Variants in PPP2R1B observed in about 807,000 individuals in gnomAD.
The protein encoded by PPP2R1B is protein phosphatase 2 scaffold subunit Abeta.
Under a neutral mutation model 72.7 loss-of-function variants are expected in PPP2R1B, and 58 were observed. That is an observed-to-expected ratio of 0.80 (90% CI 0.65 to 0.99). The LOEUF (loss-of-function observed/expected upper bound fraction) is 0.99, where lower values mean the gene tolerates loss of function less well. PPP2R1B is among the 50% of genes least tolerant of loss of function. PPP2R1B has a pLI of 0.00. For missense variants in PPP2R1B, 695 were observed against 733.6 expected (o/e 0.95, Z 0.61); for synonymous variants, 256 against 264.6 (o/e 0.97, Z 0.32).
At chr11:111,700,762 A>G in the PPP2R1B span, 1,699 of 1,170,154 alleles carry the variant, frequency 1.5e-3, 36 homozygotes, top group South Asian at 0.025. Context: ...ATAAGATGCC[A>G]TCCCAGTCCT....
downstream of PPP2R1B, chr11:111,724,372 G>A (rs540193400): frequency 4.0e-5 from 22 of 547,068 alleles, no homozygotes; most frequent in South Asian, 2.3e-4. Context: ...CCTGCCCTTC[G>A]GTCGAGTGGA....
At chr11:111,689,651 G>T in the PPP2R1B span, among the ~76,000 whole-genome samples, 1 of 152,190 alleles carries the variant, frequency 6.6e-6, no homozygotes, top group African/African-American at 2.4e-5. Context: ...TAATTGACCT[G>T]TTAGGTTGGA....
downstream of PPP2R1B, chr11:111,726,844 G>A (rs1943983825): frequency 1.3e-5 from 11 of 854,594 alleles, no homozygotes; most frequent in South Asian, 1.6e-4. Context: ...TCATCACCCT[G>A]TAAACCAGGC....
At chr11:111,734,218 C>A (rs1029061297), downstream of PPP2R1B, among the ~76,000 whole-genome samples, 11 of 152,190 alleles carry the variant, frequency 7.2e-5, no homozygotes, top group African/African-American at 2.7e-4. Flanking sequence ...ACACTAGGTA[C>A]AGAAAATGGC....
At chr11:111,725,921 G>T (rs2135986229), downstream of PPP2R1B, 1 of 152,326 alleles carries the variant, frequency 6.6e-6, no homozygotes, top group Middle Eastern at 3.4e-3. Flanking sequence ...TGTGGGGACT[G>T]TCATTTTTGT....
chr11:111,741,079 CCAT>C lies in PPP2R1B; in HGVS notation c.*514_*516del. On this transcript the variant is annotated 3_prime_UTR_variant, in exon 15 of 15. Transcript: ENST00000527614. ...CCCTTTCACATGAGACTAATGCAGA[CCAT>C]CATAATTCAGGAAAATGTGGCTTTC... 3 of 987,460 alleles carry C rather than the reference CCAT, an allele frequency of 3.0e-6. No homozygotes were observed. Among genetic ancestry groups the C allele is most frequent in the Non-Finnish European group, 3.6e-6 (3 of 830,990 alleles). 61.2% of individuals were successfully genotyped at this position (987,460 alleles called of 1,614,324 possible).
Position 111,752,308 on chromosome 11 carries a change from T to C in PPP2R1B, c.1189A>G (p.Ile397Val). Residue 397 changes from isoleucine to valine, a missense_variant, in exon 10 of 15, where the codon ATC (isoleucine) becomes GTC (valine). Physicochemically the swap from Ile to Val is conservative, Grantham distance 29 (BLOSUM62 3). Coordinates refer to ENST00000527614, the MANE Select transcript of PPP2R1B (RefSeq NM_002716.5). Reference protein sequence around the residue: ...DECPDVRLNIISNLDCVNEVI... With the variant: ...DECPDVRLNIVSNLDCVNEVI... ...TCATTTACACAATCCAAATTGGAGATGATATTCAAACGAACGTCAGGACAC... is the reference window on the plus strand; with the variant it reads ...TCATTTACACAATCCAAATTGGAGACGATATTCAAACGAACGTCAGGACAC... The C allele has an allele frequency of 6.2e-7, 1 of 1,612,790 alleles. No individual in the cohort carries two copies. The highest frequency in any genetic ancestry group is 8.5e-7 in the Non-Finnish European group (1 of 1,179,506).
chr11:111,712,348 G>A, the PPP2R1B span: 1 of 1,614,164 alleles, frequency 6.2e-7, no homozygotes. Context: ...CTGCATTCAT[G>A]GAAGAAGAGT....
intron 5 of PPP2R1B, among the ~76,000 whole-genome samples, chr11:111,758,545 G>A (rs1945209800): frequency 6.6e-6 from 1 of 152,030 alleles, no homozygotes; most frequent in African/African-American, 2.4e-5. Context: ...AGCCGAGATT[G>A]CACCACTGCA....
chr11:111,761,114 A>G, intron 3 of PPP2R1B, 63 bp from the exon 4 acceptor site: 4 of 1,369,958 alleles, frequency 2.9e-6, no homozygotes, highest in Non-Finnish European at 4.1e-6. Context: ...GAAACAGATA[A>G]TCACCTTTTA....
downstream of PPP2R1B, chr11:111,723,412 G>C (rs1943864540): frequency 7.2e-7 from 1 of 1,398,312 alleles, no homozygotes; most frequent in African/African-American, 1.4e-5. Context: ...GAAGACTGAA[G>C]CTAGTGACTG....
rs539274288 is a variant in PPP2R1B, at chr11:111,760,334, C to G, written c.540-383G>C. 2.3e-4 allele frequency among the ~76,000 whole-genome samples: 35 copies of G among 152,278 alleles called. 1 individual carries two copies. In the South Asian group the frequency reaches 5.4e-3, roughly 23 times the overall value. ...AGTAGCTAGAAATACAGGCGGGTCC[C>G]ACCATGCCCAGCTAATTTTTTTCTT... On this transcript the variant is annotated intron_variant, in intron 4 of 14. Coordinates refer to ENST00000527614, the MANE Select transcript of PPP2R1B (RefSeq NM_002716.5).
intron 15 of PPP2R1B, chr11:111,727,309 C>T: frequency 1.9e-6 from 1 of 515,570 alleles, no homozygotes; most frequent in South Asian, 3.3e-5. Context: ...CAAACCCCTT[C>T]TCTCTTCCAT....
chr11:111,766,381 C>T lies in PPP2R1B; in HGVS notation c.-20G>A. 1 of 1,597,212 alleles carries T rather than the reference C, an allele frequency of 6.3e-7. No homozygotes were observed. Among genetic ancestry groups the T allele is most frequent in the Non-Finnish European group, 8.5e-7 (1 of 1,173,426 alleles). On this transcript the variant is annotated 5_prime_UTR_variant, in exon 1 of 15. Coordinates refer to ENST00000527614, the MANE Select transcript of PPP2R1B (RefSeq NM_002716.5). ...CGCCATGTTCTTTCTCCTCCTGCTG[C>T]TGGTCACCGCCTCCCGCCCCGCGCC...
chr11:111,721,295 G>GTT, the PPP2R1B span, among the ~76,000 whole-genome samples: 2 of 152,130 alleles, frequency 1.3e-5, no homozygotes, highest in African/African-American at 2.4e-5. Context: ...CTCTCAAGCT[G>GTT]TTTTTGGCTC....
At chr11:111,751,343 A>G (rs1399424189) in intron 10 of PPP2R1B, among the ~76,000 whole-genome samples, 1 of 152,168 alleles carries the variant, frequency 6.6e-6, no homozygotes, top group African/African-American at 2.4e-5. Flanking sequence ...ATTAAATATT[A>G]TAAAATTTAC....
At chr11:111,722,055 T>C (rs1294700960), downstream of PPP2R1B, 1 of 682,778 alleles carries the variant, frequency 1.5e-6, no homozygotes, top group Non-Finnish European at 2.3e-6. This position sits in a 1 kb window ranked among gnomAD's most constrained non-coding sequence, Gnocchi z 4.4. Context: ...TGATTCCTTA[T>C]AGGCAAGTAG....
chr11:111,738,650 G>A lies in PPP2R1B; in HGVS notation c.*2946C>T. ...CTGAGCTGTGGTATTTCTGTGAGCT[G>A]AGGGCAGCCCGTTATTTCAACAAGA... On this transcript the variant is annotated 3_prime_UTR_variant, in exon 15 of 15. Transcript: ENST00000527614. 3 of 985,452 alleles carry A rather than the reference G, an allele frequency of 3.0e-6. No individual in the cohort carries two copies. Among genetic ancestry groups the A allele is most frequent in the African/African-American group, 1.7e-5 (1 of 57,354 alleles). 61.0% of individuals were successfully genotyped at this position (985,452 alleles called of 1,614,324 possible). A position where few individuals can be genotyped will look rare whatever the true frequency, so the allele number is the denominator to read the frequency against.
chr11:111,726,571 G>A (rs893659750), downstream of PPP2R1B: 1 of 194,576 alleles, frequency 5.1e-6, no homozygotes, highest in Non-Finnish European at 1.1e-5. Flanking sequence ...CCTCTGTATT[G>A]ACTGCAATGT....
Sources: gnomAD v4.1 joint callset for allele counts (sites outside exome capture counted in the v4.1 genomes callset) on GRCh38, gnomAD v4.1.1 for gene constraint, Gnocchi (gnomAD v3.1) non-coding constraint, MANE v1.5 for transcripts, NCBI Gene and HGNC (gene_info 2026-07-23, HGNC 2026-07-21) for gene names.